PCSK7: variants seen among roughly 807,000 people sequenced by gnomAD.
PCSK7 encodes lymphoma proprotein convertase.
PCSK7 carries 38 observed loss-of-function variants against 73.3 expected under a neutral mutation model. The observed-to-expected ratio is 0.52, with a 90% CI of 0.40 to 0.68. The LOEUF (loss-of-function observed/expected upper bound fraction) is 0.68, where lower values mean the gene tolerates loss of function less well. Among genes scored for constraint, PCSK7 ranks in the 30% least tolerant of loss-of-function variants. PCSK7 has a pLI of 0.00. For synonymous variants in PCSK7, 296 were observed against 383.8 expected (o/e 0.77, Z 2.68); for missense variants, 692 against 991.5 (o/e 0.70, Z 4.06).
chr11:117,217,076 A>C (rs2238006), intron 12 of PCSK7: 43,575 of 151,982 alleles, frequency 0.29, 7,258 homozygotes, highest in African/African-American at 0.46. Flanking sequence ...CCCTTCTCTT[A>C]ATCCTGCTTT....
At chr11:117,211,030 T>A (rs1436094532) in intron 12 of PCSK7, 1 of 152,216 alleles carries the variant, frequency 6.6e-6, no homozygotes, top group African/African-American at 2.4e-5. Flanking sequence ...AGGGGCTGGG[T>A]AACCTAGGGT....
Position 117,218,445 on chromosome 11 carries a change from C to A in PCSK7, c.1534+21G>T. ...CCAAACCTCAGGCCTAAGATTAACC[C>A]CCTTTGTGCTGATTACTTACCATTC... On this transcript the variant is annotated intron_variant, in intron 12 of 16. Coordinates refer to ENST00000320934, the MANE Select transcript of PCSK7 (RefSeq NM_004716.4). This position sits in a 1 kb window ranked among gnomAD's most constrained non-coding sequence, Gnocchi z 4.0. The A allele has an allele frequency of 7.2e-7, 1 of 1,387,584 alleles. No individual in the cohort carries two copies. The allele number at this position is 1,387,584 out of a possible 1,614,324, so 86.0% of individuals were successfully genotyped here. A position where few individuals can be genotyped will look rare whatever the true frequency, so the allele number is the denominator to read the frequency against.
intron 16 of PCSK7, 30 bp from the exon 17 acceptor site, chr11:117,206,386 C>A (rs771420932): frequency 5.7e-6 from 9 of 1,583,192 alleles, no homozygotes; most frequent in Non-Finnish European, 7.7e-6. Context: ...CTACGTGAGG[C>A]ACTGTTTCCC....
In PCSK7 at chr11:117,224,116, T is replaced by C; in HGVS notation, c.1016A>G (p.Tyr339Cys). ...GTAGATGGAGTTGGCGTAGCCATCG[T>C]AGTTGCAGTTGTCGTTGTGTTGGCC... ...NGGQHNDNCN[Y>C]DGYANSIYTV... The change falls in exon 8 of 17, where the codon TAC (tyrosine) becomes TGC (cysteine). Residue 339 changes from tyrosine to cysteine, a missense_variant. Around this residue, in one of 6 missense-constraint regions of PCSK7, gnomAD observed 574 missense variants for 689.8 expected, o/e 0.83. Coordinates refer to ENST00000320934, the MANE Select transcript of PCSK7 (RefSeq NM_004716.4). 6.2e-7 allele frequency: 1 copy of C among 1,613,902 alleles called. No homozygotes were observed. The highest frequency in any genetic ancestry group is 8.5e-7 in the Non-Finnish European group (1 of 1,179,942).
In PCSK7 at chr11:117,218,831, A is replaced by G. The variant is rs925486798; in HGVS notation, c.1431+226T>C. 1.7e-6 allele frequency: 1 copy of G among 577,144 alleles called. No homozygotes were observed. The highest frequency in any genetic ancestry group is 3.1e-6 in the Non-Finnish European group (1 of 323,352). 35.8% of individuals were successfully genotyped at this position (577,144 alleles called of 1,614,324 possible). On this transcript the variant is annotated intron_variant, in intron 11 of 16. Coordinates refer to ENST00000320934, the MANE Select transcript of PCSK7 (RefSeq NM_004716.4). This position sits in a 1 kb window ranked among gnomAD's most constrained non-coding sequence, Gnocchi z 4.0. ...AGCATCCTGAGTCCCACACATACTC[A>G]GGTCCCATTTACTCTATTAGTAGTT...
chr11:117,230,835 C>G (rs1360940781), intron 1 of PCSK7, among the ~76,000 whole-genome samples: 1 of 152,048 alleles, frequency 6.6e-6, no homozygotes, highest in Non-Finnish European at 1.5e-5. Flanking sequence ...AGGAGGGAGG[C>G]GGCGGGGGCG....
At chr11:117,223,590 A>T (rs1332386333) in intron 8 of PCSK7, 1 of 477,212 alleles carries the variant, frequency 2.1e-6, no homozygotes, top group East Asian at 3.6e-5. Context: ...TCACATGCTT[A>T]CTGTTTTCAA....
At chr11:117,221,331 G>A (rs974134318) in intron 9 of PCSK7, 3 of 152,266 alleles carry the variant, frequency 2.0e-5, no homozygotes, top group Non-Finnish European at 4.4e-5. Context: ...TTTATGCAAG[G>A]GAGCGGGTTG....
intron 5 of PCSK7, chr11:117,226,797 C>G (rs1023624074): frequency 1.0e-5 from 2 of 196,694 alleles, no homozygotes; most frequent in African/African-American, 4.7e-5. Context: ...CTCAGCTCCC[C>G]CAAAAGGATG....
intron 7 of PCSK7, 32 bp from the exon 8 acceptor site, chr11:117,224,248 A>G: frequency 1.2e-6 from 2 of 1,611,538 alleles, no homozygotes; most frequent in East Asian, 4.5e-5. Context: ...GTGTCAGTTG[A>G]GGAACCCACA....
At position 117,227,166 on chromosome 11, in the gene PCSK7, G is replaced by A. The variant is rs1193006173; in HGVS notation, c.760C>T (p.Arg254Cys). Reference protein sequence around the residue: ...FCAVGVAYGSRIAGIRVLDGP... With the variant: ...FCAVGVAYGSCIAGIRVLDGP... ...TGGAGGCACAAGTTACCTGCGATGC[G>A]GCTCCCGTAGGCCACGCCCACGGCA... is the stretch of plus-strand genomic sequence containing the variant. The change falls in exon 5 of 17, where the codon CGC becomes TGC. Residue 254 changes from arginine to cysteine, a missense_variant. Transcript: ENST00000320934. 5.6e-6 allele frequency: 9 copies of A among 1,598,738 alleles called. No homozygotes were observed. In the Admixed American group the frequency reaches 1.4e-4, roughly 25 times the overall value.
At chr11:117,222,647 AGTTT>A (rs1028425954) in intron 9 of PCSK7, 5 of 145,090 alleles carry the variant, frequency 3.4e-5, no homozygotes, top group African/African-American at 1.3e-4. Context: ...TGTGACACTT[AGTTT>A]CTTTTTTTTT....
At position 117,218,850 on chromosome 11, in the gene PCSK7, A is replaced by C; in HGVS notation, c.1431+207T>G. On this transcript the variant is annotated intron_variant, in intron 11 of 16. Transcript: ENST00000320934. The surrounding 1 kb of genome is among the most constrained non-coding windows in gnomAD (Gnocchi z 4.0). ...ATACTCAGGTCCCATTTACTCTATT[A>C]GTAGTTTGGAAACTTCAGTGATAGC... 2 of 586,044 alleles carry C rather than the reference A, an allele frequency of 3.4e-6. No homozygotes were observed. The highest frequency in any genetic ancestry group is 4.2e-5 in the South Asian group (2 of 47,784). The allele number at this position is 586,044 out of a possible 1,614,324, so 36.3% of individuals were successfully genotyped here. A position where few individuals can be genotyped will look rare whatever the true frequency, so the allele number is the denominator to read the frequency against.
chr11:117,225,055 CTT>C (rs571538440), intron 6 of PCSK7: 151 of 134,288 alleles, frequency 1.1e-3, no homozygotes, highest in South Asian at 4.3e-3. Flanking sequence ...ACATGTAGAC[CTT>C]TTTTTTTTTT....
rs891812943 is a variant in PCSK7 at position 117,226,134 on chromosome 11, C to T, written c.770-113G>A. The T allele has an allele frequency of 1.6e-5, 10 of 644,674 alleles. No homozygotes were observed. The African/African-American group carries it at 1.8e-4, about 12-fold the overall frequency. 39.9% of individuals were successfully genotyped at this position (644,674 alleles called of 1,614,324 possible). The stretch of plus-strand genomic sequence containing the variant: ...TATTTTTCCCTACATGCTCTTTGTA[C>T]ATTTTGCTTTTTTTTTTTTTTGAGA... On this transcript the variant is annotated intron_variant, in intron 5 of 16. Coordinates refer to ENST00000320934, the MANE Select transcript of PCSK7 (RefSeq NM_004716.4).
At position 117,227,235 on chromosome 11, in the gene PCSK7, G is replaced by T. The variant is rs778272517; in HGVS notation, c.691C>A (p.Arg231=). ...ACAGCCGCGATCTCTCCTGCACATC[G>T]CGTGCCATGGTGGTTGCCATTCTCC... ...DVENGNHHGT[R]CAGEIAAVPN... Residue 231 remains arginine, a synonymous_variant, in exon 5 of 17, where the codon CGA becomes AGA. Coordinates refer to ENST00000320934, the MANE Select transcript of PCSK7 (RefSeq NM_004716.4). The T allele has an allele frequency of 6.2e-7, 1 of 1,613,620 alleles. No individual in the cohort carries two copies. The highest frequency in any genetic ancestry group is 8.5e-7 in the Non-Finnish European group (1 of 1,179,784).
chr11:117,223,915 T>G, intron 8 of PCSK7, 163 bp downstream of exon 8: 1 of 693,374 alleles, frequency 1.4e-6, no homozygotes, highest in Non-Finnish European at 2.5e-6. Flanking sequence ...TGCTGACATC[T>G]AAGAAGTCCC....
At chr11:117,221,938 G>A (rs569710339) in intron 9 of PCSK7, 1 of 152,426 alleles carries the variant, frequency 6.6e-6, no homozygotes, top group African/African-American at 2.4e-5. Context: ...CTGGGGCTGG[G>A]AGGAGGGGGT....
chr11:117,227,180 A>T lies in PCSK7; in HGVS notation c.746T>A (p.Val249Glu). 1 of 1,608,848 alleles carries T rather than the reference A, an allele frequency of 6.2e-7. No homozygotes were observed. ...VPNNSFCAVG[V>E]AYGSRIAGIR... ...ACCTGCGATGCGGCTCCCGTAGGCC[A>T]CGCCCACGGCACAGAAGCTGTTGTT... Residue 249 changes from valine (V) to glutamate (E), a missense_variant, in exon 5 of 17, where the codon GTG becomes GAG. Val to Glu is a moderately radical substitution (Grantham distance 121, BLOSUM62 -2). Coordinates refer to ENST00000320934, the MANE Select transcript of PCSK7 (RefSeq NM_004716.4).
Sources: gnomAD v4.1 joint callset for allele counts (sites outside exome capture counted in the v4.1 genomes callset) on GRCh38, gnomAD v4.1.1 for gene constraint, gnomAD v4.1.1 regional missense constraint, Gnocchi (gnomAD v3.1) non-coding constraint, MANE v1.5 for transcripts, NCBI Gene and HGNC (gene_info 2026-07-23, HGNC 2026-07-21) for gene names.